Variants in FAM53B observed in about 807,000 individuals in gnomAD.
FAM53B encodes protein FAM53B.
FAM53B carries 12 observed loss-of-function variants against 32.7 expected under a neutral mutation model. The ratio of observed to expected loss-of-function variants is 0.37; its 90% CI spans 0.24 to 0.59. The LOEUF (loss-of-function observed/expected upper bound fraction) is 0.59. Among genes scored for constraint, FAM53B ranks in the 20% least tolerant of loss-of-function variants. The pLI, the probability that FAM53B is intolerant of heterozygous loss-of-function variation, is 0.72. For missense variants in FAM53B, 477 were observed against 577.7 expected, an observed-to-expected ratio of 0.83 and a Z score of 1.79; for synonymous variants, 234 against 228.7, an observed-to-expected ratio of 1.02 and a Z score of -0.21.
At chr10:124,663,872 A>C (rs1157368509) in intron 4 of FAM53B, among the ~76,000 whole-genome samples, 1 of 151,748 alleles carries the variant, frequency 6.6e-6, no homozygotes, top group Non-Finnish European at 1.5e-5. Flanking sequence ...ACCTCCTCCC[A>C]CCAACCCAGG....
intron 1 of FAM53B, among the ~76,000 whole-genome samples, chr10:124,722,462 CTAAA>C (rs1950075427): frequency 6.6e-6 from 1 of 152,012 alleles, no homozygotes; most frequent in Non-Finnish European, 1.5e-5. Flanking sequence ...TTGGGTGAAA[CTAAA>C]TAAATAATTG....
At chr10:124,679,354 T>C (rs1949754580) in intron 4 of FAM53B, among the ~76,000 whole-genome samples, 1 of 152,096 alleles carries the variant, frequency 6.6e-6, no homozygotes, top group Non-Finnish European at 1.5e-5. Context: ...TTAGTCCTTG[T>C]ACACCAGCAA....
At chr10:124,636,552 C>T (rs922993215) in intron 4 of FAM53B, among the ~76,000 whole-genome samples, 1 of 152,174 alleles carries the variant, frequency 6.6e-6, no homozygotes. Context: ...CAGGAAAACA[C>T]TGTTTTGCTG....
In FAM53B at chr10:124,620,455, T is replaced by G. The variant is rs1949302775; in HGVS notation, c.*2787A>C. The G allele has an allele frequency of 6.6e-6, 1 of 151,354 alleles. No individual in the cohort carries two copies. Among genetic ancestry groups the G allele is most frequent in the Non-Finnish European group, 1.5e-5 (1 of 67,974 alleles). 9.4% of individuals were successfully genotyped at this position (151,354 alleles called of 1,614,324 possible). On this transcript the variant is annotated 3_prime_UTR_variant, in exon 5 of 5. Transcript: ENST00000337318. ...CACGGCTTGCTTCTGGCTCTGCCCT[T>G]CCTCAGTCTCCCCTCAGAGGCAGGG...
intron 1 of FAM53B, among the ~76,000 whole-genome samples, chr10:124,718,766 C>G (rs1369633960): frequency 9.9e-5 from 15 of 152,238 alleles, no homozygotes; most frequent in Admixed American, 9.8e-4. Flanking sequence ...AGGGCTTCAC[C>G]GCCAGGCGCA....
intron 4 of FAM53B, among the ~76,000 whole-genome samples, chr10:124,643,004 C>T (rs1949487102): frequency 6.6e-6 from 1 of 152,186 alleles, no homozygotes; most frequent in African/African-American, 2.4e-5. Flanking sequence ...TGGGACCTGT[C>T]GAGGCAGAAT....
At position 124,682,422 on chromosome 10, in the gene FAM53B, C is replaced by A. The variant is rs1325543501; in HGVS notation, c.134-43G>T. 2 of 1,528,406 alleles carry A rather than the reference C, an allele frequency of 1.3e-6. No homozygotes were observed. The highest frequency in any genetic ancestry group is 2.7e-5 in the African/African-American group (2 of 73,250). The allele number at this position is 1,528,406 out of a possible 1,614,324, so 94.7% of individuals were successfully genotyped here. ...AGGAGAAAACAGGATTTGAGAAGAC[C>A]TTCACTCCAGCCCTTTATTATCTCC... On this transcript the variant is annotated intron_variant, in intron 3 of 4. Coordinates refer to ENST00000337318, the MANE Select transcript of FAM53B (RefSeq NM_014661.4). The surrounding 1 kb of genome is among the most constrained non-coding windows in gnomAD (Gnocchi z 5.2).
chr10:124,737,063 G>A (rs1362246331), intron 1 of FAM53B, among the ~76,000 whole-genome samples: 1 of 152,220 alleles, frequency 6.6e-6, no homozygotes, highest in African/African-American at 2.4e-5. Context: ...AATGAAATCG[G>A]GCTAGTCCCT....
rs1482055486 is a variant in FAM53B, at chr10:124,682,645, T to C, written c.134-266A>G. Among the ~76,000 whole-genome samples, 1 of 152,202 alleles carries C rather than the reference T, an allele frequency of 6.6e-6. No individual in the cohort carries two copies. The highest frequency in any genetic ancestry group is 1.5e-5 in the Non-Finnish European group (1 of 68,036). On this transcript the variant is annotated intron_variant, in intron 3 of 4. Transcript: ENST00000337318. This position sits in a 1 kb window ranked among gnomAD's most constrained non-coding sequence, Gnocchi z 5.2. ...CTGGGACTCCTGATATGGTTTTCTT[T>C]CCAGTGTACCACACTGCCTCCCAGG... is the stretch of plus-strand genomic sequence containing the variant.
chr10:124,743,319 A>C (rs905615322), intron 1 of FAM53B, among the ~76,000 whole-genome samples: 4 of 152,182 alleles, frequency 2.6e-5, no homozygotes, highest in Non-Finnish European at 4.4e-5. Context: ...ATGTGACTCG[A>C]CCAGTGTGCC....
At chr10:124,669,121 G>A (rs1283958912) in intron 4 of FAM53B, among the ~76,000 whole-genome samples, 1 of 152,226 alleles carries the variant, frequency 6.6e-6, no homozygotes, top group Non-Finnish European at 1.5e-5. Context: ...AGTGGCCAAG[G>A]GCTCAGAGGT....
intron 4 of FAM53B, among the ~76,000 whole-genome samples, chr10:124,673,997 C>T (rs1176921063): frequency 1.3e-5 from 2 of 152,188 alleles, no homozygotes; most frequent in Non-Finnish European, 2.9e-5. Flanking sequence ...CCTCTCAAAC[C>T]CAGCTCTTCT....
At chr10:124,715,891 G>C (rs1203324153) in intron 1 of FAM53B, among the ~76,000 whole-genome samples, 1 of 152,178 alleles carries the variant, frequency 6.6e-6, no homozygotes, top group Non-Finnish European at 1.5e-5. Context: ...GAAATCCCTA[G>C]GTAGGCACAA....
intron 4 of FAM53B, among the ~76,000 whole-genome samples, chr10:124,657,907 C>T (rs955328695): frequency 1.3e-5 from 2 of 152,228 alleles, no homozygotes; most frequent in African/African-American, 2.4e-5. Context: ...TTGCTTGCAG[C>T]CAGCCTACTC....
In FAM53B at chr10:124,622,905, A is replaced by C; in HGVS notation, c.*337T>G. On this transcript the variant is annotated 3_prime_UTR_variant, in exon 5 of 5. Coordinates refer to ENST00000337318, the MANE Select transcript of FAM53B (RefSeq NM_014661.4). The stretch of plus-strand genomic sequence containing the variant: ...ACCAGGGGGATACAGAGCGGTGCCC[A>C]GCTCTGCCGGGGACAACAGAGACTG... 6 of 213,566 alleles carry C rather than the reference A, an allele frequency of 2.8e-5. No homozygotes were observed. The highest frequency in any genetic ancestry group is 4.7e-5 in the Non-Finnish European group (5 of 106,866). 13.2% of individuals were successfully genotyped at this position (213,566 alleles called of 1,614,324 possible).
At chr10:124,667,441 G>C (rs1402555776) in intron 4 of FAM53B, 2 of 763,804 alleles carry the variant, frequency 2.6e-6, no homozygotes, top group Admixed American at 1.7e-5. Flanking sequence ...AAATACAACA[G>C]GTGAGTTTCT....
At chr10:124,715,920 C>G (rs942816726) in intron 1 of FAM53B, among the ~76,000 whole-genome samples, 1 of 152,196 alleles carries the variant, frequency 6.6e-6, no homozygotes, top group African/African-American at 2.4e-5. Flanking sequence ...AGGGCATAGG[C>G]CCTTATTAAA....
intron 4 of FAM53B, among the ~76,000 whole-genome samples, chr10:124,664,370 A>G (rs557856012): frequency 2.0e-5 from 3 of 152,348 alleles, no homozygotes; most frequent in South Asian, 4.1e-4. Context: ...CCAAAAGCCA[A>G]TGGTGGCTGG....
chr10:124,714,921 C>A (rs1950030359), intron 1 of FAM53B, among the ~76,000 whole-genome samples: 1 of 152,166 alleles, frequency 6.6e-6, no homozygotes, highest in African/African-American at 2.4e-5. Flanking sequence ...GTATCCCTAT[C>A]AGAGGGTACT....
Sources: gnomAD v4.1 joint callset for allele counts (sites outside exome capture counted in the v4.1 genomes callset) on GRCh38, gnomAD v4.1.1 for gene constraint, Gnocchi (gnomAD v3.1) non-coding constraint, MANE v1.5 for transcripts, NCBI Gene and HGNC (gene_info 2026-07-23, HGNC 2026-07-21) for gene names.